Variants in LRSAM1 observed in about 807,000 individuals in gnomAD.
The protein encoded by LRSAM1 is E3 ubiquitin-protein ligase LRSAM1.
LRSAM1 carries 96 observed loss-of-function variants against 118.1 expected under a neutral mutation model. The observed-to-expected ratio is 0.81, with a 90% CI of 0.69 to 0.96. LRSAM1 has a LOEUF of 0.96. Among genes scored for constraint, LRSAM1 ranks in the 40% least tolerant of loss-of-function variants. LRSAM1 has a pLI of 0.00. For missense variants in LRSAM1, 804 were observed against 915.5 expected, an observed-to-expected ratio of 0.88 and a Z score of 1.57; for synonymous variants, 322 against 364.2, an observed-to-expected ratio of 0.88 and a Z score of 1.32.
At position 127,461,212 on chromosome 9, in the gene LRSAM1, C is replaced by G; in HGVS notation, c.361C>G (p.Arg121Gly). 6.2e-7 allele frequency: 1 copy of G among 1,612,266 alleles called. No homozygotes were observed. The highest frequency in any genetic ancestry group is 8.5e-7 in the Non-Finnish European group (1 of 1,178,710). ...VERNQLMQLP[R>G]SIGNLTQLQT... Reference sequence around the variant, plus strand: ...AAGGAATCAACTGATGCAGCTCCCACGTTCCATTGGGAACCTGACCCAGCT... The same window carrying G: ...AAGGAATCAACTGATGCAGCTCCCAGGTTCCATTGGGAACCTGACCCAGCT... The change falls in exon 8 of 26, where the codon CGT becomes GGT. Residue 121 changes from arginine (R) to glycine (G), a missense_variant. By Grantham distance (125) the Arg-to-Gly change is moderately radical. Transcript: ENST00000300417.
intron 5 of LRSAM1, among the ~76,000 whole-genome samples, chr9:127,456,347 C>A (rs1834517869): frequency 1.3e-5 from 2 of 151,616 alleles, no homozygotes; most frequent in African/African-American, 4.8e-5. Flanking sequence ...AATTCTCCTG[C>A]CTCAGCCTCC....
chr9:127,472,252 G>A (rs113477665), intron 10 of LRSAM1, among the ~76,000 whole-genome samples: 7,203 of 151,800 alleles, frequency 0.047, 575 homozygotes, highest in African/African-American at 0.16. Context: ...GAGACACCAC[G>A]CCTGGCCAAG....
At chr9:127,476,130 T>C (rs1230240319) in intron 11 of LRSAM1, among the ~76,000 whole-genome samples, 1 of 152,192 alleles carries the variant, frequency 6.6e-6, no homozygotes, top group Admixed American at 6.5e-5. Flanking sequence ...GAGGAGACAT[T>C]TGCAGGAGTG....
At chr9:127,478,039 C>T (rs575677021) in intron 11 of LRSAM1, among the ~76,000 whole-genome samples, 10 of 127,388 alleles carry the variant, frequency 7.9e-5, no homozygotes, top group African/African-American at 1.2e-4. Context: ...GCAACAAGAG[C>T]AAAACTCCGT....
chr9:127,454,360 G>C, intron 2 of LRSAM1, 136 bp from the exon 3 acceptor site: 1 of 722,760 alleles, frequency 1.4e-6, no homozygotes, highest in Non-Finnish European at 2.5e-6. Context: ...AACTCACTAG[G>C]GAGACACAGC....
chr9:127,477,332 T>A (rs1323828606), intron 11 of LRSAM1, among the ~76,000 whole-genome samples: 3 of 152,220 alleles, frequency 2.0e-5, no homozygotes, highest in Non-Finnish European at 4.4e-5. Context: ...TAATTGAAGA[T>A]TAATTTTAAA....
chr9:127,495,395 A>C lies in LRSAM1; in HGVS notation c.1675A>C (p.Lys559Gln), dbSNP rs1210713871. 1.2e-6 allele frequency: 2 copies of C among 1,613,836 alleles called. No individual in the cohort carries two copies. Among genetic ancestry groups the C allele is most frequent in the Non-Finnish European group, 1.7e-6 (2 of 1,180,008 alleles). Residue 559 changes from lysine to glutamine, a missense_variant, in exon 22 of 26, where the codon AAG (lysine) becomes CAG (glutamine). Coordinates refer to ENST00000300417, the MANE Select transcript of LRSAM1 (RefSeq NM_001005373.4). Reference protein sequence around the residue: ...LIQYQRLLNQKPLSLKLQEEG... With the variant: ...LIQYQRLLNQQPLSLKLQEEG... ...TCAGTATCAACGGCTTTTGAACCAG[A>C]AGCCCTTGTCCTTGAAGCTGCAAGT...
At chr9:127,478,783 C>T (rs1341445449) in intron 11 of LRSAM1, 151 bp from the exon 12 acceptor site, 5 of 737,646 alleles carry the variant, frequency 6.8e-6, no homozygotes, top group Admixed American at 2.2e-5. Flanking sequence ...AATACGGATC[C>T]CCTCATCCCC....
At chr9:127,457,184 C>CA (rs1834550213) in intron 5 of LRSAM1, 132 bp from the exon 6 acceptor site, 3 of 878,786 alleles carry the variant, frequency 3.4e-6, no homozygotes, top group Middle Eastern at 2.2e-4. Flanking sequence ...TACTGACCCG[C>CA]ATCCCCGTGG....
At chr9:127,460,412 C>T (rs751974896) in intron 7 of LRSAM1, among the ~76,000 whole-genome samples, 24 of 152,204 alleles carry the variant, frequency 1.6e-4, no homozygotes, top group Non-Finnish European at 3.5e-4. Flanking sequence ...TGGTTCAGTC[C>T]CAGCACCACT....
In LRSAM1 at chr9:127,497,249, A is replaced by C; in HGVS notation, c.1831-4A>C. ...ACAGTCTGCACTTCCTTGAACTGTC[A>C]CAGGTGGGCGTCTCAGAAGCTGGCC... On this transcript the variant is annotated splice_polypyrimidine_tract_variant and splice_region_variant and intron_variant, in intron 23 of 25. Transcript: ENST00000300417. The C allele has an allele frequency of 6.2e-7, 1 of 1,613,050 alleles. No homozygotes were observed. Among genetic ancestry groups the C allele is most frequent in the South Asian group, 1.1e-5 (1 of 91,084 alleles).
At chr9:127,487,577 G>A in intron 17 of LRSAM1, 99 bp from the exon 18 acceptor site, 6 of 1,152,502 alleles carry the variant, frequency 5.2e-6, no homozygotes, top group South Asian at 1.3e-5. Context: ...GTGGTCCACT[G>A]AAGAAATGGG....
At chr9:127,484,084 C>T (rs963379989) in intron 16 of LRSAM1, among the ~76,000 whole-genome samples, 9 of 151,952 alleles carry the variant, frequency 5.9e-5, no homozygotes, top group Non-Finnish European at 1.2e-4. Context: ...ACTCCCCGTG[C>T]CCCCCTCCCC....
At chr9:127,491,873 G>A (rs576630412) in intron 20 of LRSAM1, among the ~76,000 whole-genome samples, 3 of 152,356 alleles carry the variant, frequency 2.0e-5, no homozygotes, top group Admixed American at 1.3e-4. Flanking sequence ...AACTTTGGCA[G>A]GTGGGGGAGG....
At chr9:127,483,507 G>C (rs1344187888) in intron 16 of LRSAM1, among the ~76,000 whole-genome samples, 4 of 151,834 alleles carry the variant, frequency 2.6e-5, no homozygotes, top group Non-Finnish European at 5.9e-5. Flanking sequence ...AATAAATGTT[G>C]GTGATCCATA....
chr9:127,463,737 A>ACAGAGGCAGTT (rs1564256578), intron 9 of LRSAM1, among the ~76,000 whole-genome samples: 1 of 152,172 alleles, frequency 6.6e-6, no homozygotes, highest in African/African-American at 2.4e-5. Context: ...TCAGCCCATG[A>ACAGAGGCAGTT]CAGACACTGA....
intron 4 of LRSAM1, among the ~76,000 whole-genome samples, 161 bp downstream of exon 4, chr9:127,455,215 A>G (rs1413570379): frequency 2.6e-5 from 4 of 152,194 alleles, no homozygotes; most frequent in Non-Finnish European, 5.9e-5. Context: ...ATAATTGAAG[A>G]TGATCCTTTG....
chr9:127,489,530 G>A lies in LRSAM1; in HGVS notation c.1422+12G>A. On this transcript the variant is annotated intron_variant, in intron 19 of 25. Transcript: ENST00000300417. ...AGATCAGGAGCCAGGTGAGCGCTGG[G>A]GCTGGGGTCCCTGGACCTGCTCTCT... 6.2e-7 allele frequency: 1 copy of A among 1,602,500 alleles called. No individual in the cohort carries two copies. The highest frequency in any genetic ancestry group is 8.5e-7 in the Non-Finnish European group (1 of 1,176,134).
At chr9:127,468,555 A>G (rs1169589349) in intron 10 of LRSAM1, among the ~76,000 whole-genome samples, 1 of 152,168 alleles carries the variant, frequency 6.6e-6, no homozygotes, top group East Asian at 1.9e-4. Flanking sequence ...ATTGCAAAAC[A>G]GTGGGGAAGG....
Sources: allele counts gnomAD v4.1 joint callset (sites outside exome capture counted in the v4.1 genomes callset), GRCh38; gene constraint gnomAD v4.1.1; transcripts MANE v1.5; gene names NCBI Gene and HGNC (gene_info 2026-07-23, HGNC 2026-07-21).